ADGRL3: variants seen among roughly 807,000 people sequenced by gnomAD.
ADGRL3 encodes adhesion G protein-coupled receptor L3, also known as calcium-independent alpha-latrotoxin receptor 3.
Under a neutral mutation model 153.5 loss-of-function variants are expected in ADGRL3, and 62 were observed. The ratio of observed to expected loss-of-function variants is 0.40; its 90% confidence interval spans 0.33 to 0.50. The LOEUF (loss-of-function observed/expected upper bound fraction) is 0.50. Ranked by LOEUF, ADGRL3 falls within the 20% of genes least tolerant of loss-of-function variation. The pLI, the probability that ADGRL3 is intolerant of heterozygous loss-of-function variation, is 0.47. For missense variants in ADGRL3, 1,641 were observed against 1,859.4 expected (o/e 0.88, Z 2.16); for synonymous variants, 710 against 672.5 (o/e 1.06, Z -0.86).
At chr4:61,345,961 T>C (rs1292011604) in intron 1 of ADGRL3, among the ~76,000 whole-genome samples, 1 of 152,186 alleles carries the variant, frequency 6.6e-6, no homozygotes, top group Non-Finnish European at 1.5e-5. Context: ...CCAGCTCATG[T>C]TGATAAGATT....
chr4:61,300,734 C>T (rs1381572481), intron 1 of ADGRL3, among the ~76,000 whole-genome samples: 2 of 150,718 alleles, frequency 1.3e-5, no homozygotes, highest in African/African-American at 4.9e-5. Flanking sequence ...GTCCCTAATG[C>T]TTAAGAATGA....
At chr4:61,560,628 A>T (rs1349190636) in intron 4 of ADGRL3, among the ~76,000 whole-genome samples, 1 of 147,746 alleles carries the variant, frequency 6.8e-6, no homozygotes, top group Non-Finnish European at 1.5e-5. Flanking sequence ...TCCAAATCCC[A>T]TTGAATTTGT....
chr4:62,006,291 C>G (rs1045887795), intron 21 of ADGRL3, among the ~76,000 whole-genome samples: 2 of 151,752 alleles, frequency 1.3e-5, no homozygotes, highest in Non-Finnish European at 2.9e-5. Flanking sequence ...CCGCTTTGGC[C>G]TCCCAAAGTG....
intron 9 of ADGRL3, among the ~76,000 whole-genome samples, chr4:61,891,604 G>T (rs866952719): frequency 2.0e-5 from 3 of 152,294 alleles, no homozygotes; most frequent in Middle Eastern, 3.4e-3. Context: ...CAGCGGAGAT[G>T]ATGATATTTT....
chr4:61,717,236 GTA>G (rs2096138139), intron 6 of ADGRL3, among the ~76,000 whole-genome samples: 1 of 149,542 alleles, frequency 6.7e-6, no homozygotes, highest in African/African-American at 2.5e-5. Flanking sequence ...GTGTGTGTGT[GTA>G]TAACAAACCA....
Position 61,263,402 on chromosome 4 carries a change from A to G in ADGRL3, c.-240+61637A>G, listed in dbSNP as rs1011205824. Among the ~76,000 whole-genome samples the G allele has an allele frequency of 2.7e-5, 4 of 150,872 alleles. No homozygotes were observed. In the East Asian group the frequency reaches 8.0e-4, roughly 30 times the overall value. On this transcript the variant is annotated intron_variant, in intron 1 of 26. Transcript: ENST00000683033. ...CTGGTAACTGGGGTTTAACCCTTTC[A>G]GTATGAGCTGTAATTGAATGTAAAT...
chr4:61,868,160 T>C (rs1449074443), intron 9 of ADGRL3, among the ~76,000 whole-genome samples: 2 of 152,190 alleles, frequency 1.3e-5, no homozygotes, highest in Non-Finnish European at 2.9e-5. Flanking sequence ...AATATGTCTT[T>C]GGTTCTTAAA....
chr4:61,496,724 G>C (rs1280404328), intron 2 of ADGRL3, among the ~76,000 whole-genome samples: 3 of 152,088 alleles, frequency 2.0e-5, no homozygotes, highest in Non-Finnish European at 4.4e-5. Context: ...GGCGGATCAC[G>C]AGGTCAGGAG....
At position 62,074,494 on chromosome 4, in the gene ADGRL3, G is replaced by A. The variant is rs1746555128; in HGVS notation, c.*3586G>A. ...TGCGGCAAAGTCCAAATTTTGTGAA[G>A]GAGAAATTGGTTGGAATTAAATTTT... On this transcript the variant is annotated 3_prime_UTR_variant, in exon 27 of 27. Coordinates refer to ENST00000683033, the MANE Select transcript of ADGRL3 (RefSeq NM_001387552.1). The A allele has an allele frequency of 6.6e-6, 1 of 152,044 alleles. No homozygotes were observed. Among genetic ancestry groups the A allele is most frequent in the Non-Finnish European group, 1.5e-5 (1 of 68,006 alleles). 9.4% of individuals were successfully genotyped at this position (152,044 alleles called of 1,614,324 possible).
At chr4:61,280,087 A>ATTTTC (rs1012221298) in intron 1 of ADGRL3, among the ~76,000 whole-genome samples, 10 of 134,094 alleles carry the variant, frequency 7.5e-5, no homozygotes, top group African/African-American at 1.4e-4. Flanking sequence ...GGTTTAAAGT[A>ATTTTC]TTTTCTTTTC....
chr4:61,962,123 C>T (rs1424817763), intron 17 of ADGRL3, among the ~76,000 whole-genome samples: 1 of 151,938 alleles, frequency 6.6e-6, no homozygotes, highest in Admixed American at 6.6e-5. Flanking sequence ...CCTATAGTCT[C>T]AGCTACTCAG....
chr4:61,447,350 T>C (rs1560647933), intron 2 of ADGRL3, among the ~76,000 whole-genome samples: 1 of 152,212 alleles, frequency 6.6e-6, no homozygotes, highest in Non-Finnish European at 1.5e-5. Context: ...TTGCCACTGG[T>C]CAAATCATGG....
At chr4:61,607,948 C>A (rs1461218354) in intron 5 of ADGRL3, among the ~76,000 whole-genome samples, 2 of 152,168 alleles carry the variant, frequency 1.3e-5, no homozygotes, top group African/African-American at 4.8e-5. Flanking sequence ...GTCTGTGAGG[C>A]TAGAAGCAAG....
chr4:61,847,680 TTA>T lies in ADGRL3; in HGVS notation c.1480+33800_1480+33801del, dbSNP rs1210725851. On this transcript the variant is annotated intron_variant, in intron 9 of 26. Transcript: ENST00000683033. ...TATTATATATATAATATAAAATATA[TTA>T]TATATATAATATAAAATATATTATA... 2.0e-4 allele frequency among the ~76,000 whole-genome samples: 10 copies of T among 50,474 alleles called. 1 individual carries two copies. The highest frequency in any genetic ancestry group is 5.0e-4 in the East Asian group (1 of 1,982). The allele number at this position is 50,474 out of a possible 152,430, so 33.1% of individuals were successfully genotyped here.
rs1553995484 is a variant in ADGRL3, at chr4:61,655,809, C to CGAA, written c.474-21017_474-21016insGAA. On this transcript the variant is annotated intron_variant, in intron 5 of 26. Transcript: ENST00000683033. ...GATTTGTTTTAGTTCTTAGAGAACT[C>CGAA]TAAGTGTACAGTAAACTTGAATTTA... is the stretch of plus-strand genomic sequence containing the variant. Among the ~76,000 whole-genome samples, 132 of 152,258 alleles carry CGAA rather than the reference C, an allele frequency of 8.7e-4. 2 individuals carry two copies. The highest frequency in any genetic ancestry group is 3.1e-3 in the African/African-American group (129 of 41,564).
chr4:61,342,227 A>G lies in ADGRL3; in HGVS notation c.-239-40897A>G, dbSNP rs188117502. ...CATTTAACTCCTTATGTGTATAGGC[A>G]TTTCTCTAGTTTTGGCTTAAAGTTA... is the stretch of plus-strand genomic sequence containing the variant. On this transcript the variant is annotated intron_variant, in intron 1 of 26. Transcript: ENST00000683033. Among the ~76,000 whole-genome samples the G allele has an allele frequency of 1.9e-3, 284 of 152,168 alleles. 2 individuals carry two copies. Among genetic ancestry groups the G allele is most frequent in the African/African-American group, 6.5e-3 (269 of 41,536 alleles).
At chr4:61,500,059 G>GAGAGAGAGAGAGAGAA in intron 3 of ADGRL3, among the ~76,000 whole-genome samples, 1 of 139,666 alleles carries the variant, frequency 7.2e-6, no homozygotes, top group Non-Finnish European at 1.6e-5. Context: ...GAGAGAGAGA[G>GAGAGAGAGAGAGAGAA]AGAGAATATC....
intron 1 of ADGRL3, among the ~76,000 whole-genome samples, chr4:61,274,964 C>T (rs754874709): frequency 1.3e-5 from 2 of 152,146 alleles, no homozygotes; most frequent in Non-Finnish European, 2.9e-5. Context: ...AAATCTGCTT[C>T]TGGCTTTGCC....
chr4:61,601,988 T>C (rs1031513063), intron 5 of ADGRL3, among the ~76,000 whole-genome samples: 5 of 152,202 alleles, frequency 3.3e-5, no homozygotes, highest in Non-Finnish European at 5.9e-5. Flanking sequence ...AAAATGTGTT[T>C]GTTAAGGAAA....
Sources: gnomAD v4.1 joint callset for allele counts (sites outside exome capture counted in the v4.1 genomes callset) on GRCh38, gnomAD v4.1.1 for gene constraint, MANE v1.5 for transcripts, NCBI Gene and HGNC (gene_info 2026-07-23, HGNC 2026-07-21) for gene names.